Variants in LPIN2 observed in about 807,000 individuals in gnomAD.
LPIN2 encodes the protein phosphatidate phosphatase LPIN2.
Under a neutral mutation model 111.4 loss-of-function variants are expected in LPIN2, and 55 were observed. The ratio of observed to expected loss-of-function variants is 0.49; its 90% CI spans 0.40 to 0.62. LPIN2 has a LOEUF of 0.62. Ranked by LOEUF, LPIN2 falls within the 20% of genes least tolerant of loss-of-function variation. The pLI is 0.00. For missense variants in LPIN2, 992 were observed against 1,112.1 expected, an observed-to-expected ratio of 0.89 and a Z score of 1.54; for synonymous variants, 425 against 414.0, an observed-to-expected ratio of 1.03 and a Z score of -0.32.
intron 3 of LPIN2, 26 bp from the exon 4 acceptor site, chr18:2,951,382 T>C: frequency 6.3e-7 from 1 of 1,598,132 alleles, no homozygotes; most frequent in Non-Finnish European, 8.6e-7. Context: ...GAAAGAAAAG[T>C]TATCCATGAC....
At chr18:2,958,737 CACA>C (rs557426040) in intron 2 of LPIN2, among the ~76,000 whole-genome samples, 361 of 152,198 alleles carry the variant, frequency 2.4e-3, no homozygotes, top group Admixed American at 6.6e-3. Context: ...AAGATAGTAA[CACA>C]ACGATTGTGT....
At chr18:2,956,342 G>GTGTGTGTGTGTGTGTGTGTGTT (rs2077616767) in intron 2 of LPIN2, among the ~76,000 whole-genome samples, 1 of 150,704 alleles carries the variant, frequency 6.6e-6, no homozygotes. Context: ...GTGTGTGTGT[G>GTGTGTGTGTGTGTGTGTGTGTT]TGTACACGTG....
intron 8 of LPIN2, among the ~76,000 whole-genome samples, chr18:2,933,516 C>T (rs1568529639): frequency 6.6e-6 from 1 of 152,150 alleles, no homozygotes; most frequent in Non-Finnish European, 1.5e-5. Context: ...TAGGACAGAG[C>T]TAGAAAGGAG....
At chr18:2,968,979 T>C (rs749421479) in intron 1 of LPIN2, among the ~76,000 whole-genome samples, 1 of 152,204 alleles carries the variant, frequency 6.6e-6, no homozygotes, top group African/African-American at 2.4e-5. Flanking sequence ...GAGAATCAGT[T>C]AGTCTTGATG....
In LPIN2 at chr18:2,924,400, G is replaced by C. The variant is rs1434267535; in HGVS notation, c.2085C>G (p.Thr695=). The change falls in exon 15 of 20, where the codon ACC becomes ACG. Residue 695 remains threonine (T), a splice_region_variant and synonymous_variant. Coordinates refer to ENST00000677752, the MANE Select transcript of LPIN2 (RefSeq NM_001375808.2). ...IIISDIDGTI[T]KSDALGQILP... ...CCCACCTGAAGGATTGAGCTTACTT[G>C]GTTATTGTCCCATCAATATCAGAAA... is the stretch of plus-strand genomic sequence containing the variant. 1 of 1,614,092 alleles carries C rather than the reference G, an allele frequency of 6.2e-7. No individual in the cohort carries two copies. The highest frequency in any genetic ancestry group is 1.1e-5 in the South Asian group (1 of 91,072).
chr18:2,969,126 T>C (rs867516291), intron 1 of LPIN2, among the ~76,000 whole-genome samples: 1 of 152,244 alleles, frequency 6.6e-6, no homozygotes, highest in Non-Finnish European at 1.5e-5. Context: ...AAAATCATTC[T>C]GGGTGGTTTT....
At chr18:3,003,020 TGCGG>T (rs1168471386) in intron 1 of LPIN2, among the ~76,000 whole-genome samples, 7 of 152,246 alleles carry the variant, frequency 4.6e-5, no homozygotes, top group African/African-American at 9.6e-5. Flanking sequence ...TAGAGGTGGA[TGCGG>T]GCTCCAGTTT....
intron 1 of LPIN2, among the ~76,000 whole-genome samples, chr18:2,965,202 C>G (rs932256534): frequency 6.6e-6 from 1 of 152,094 alleles, no homozygotes; most frequent in South Asian, 2.1e-4. Flanking sequence ...GACCAAATGG[C>G]CCTTCGCATA....
chr18:2,995,245 T>C (rs2078323894), intron 1 of LPIN2, among the ~76,000 whole-genome samples: 1 of 152,244 alleles, frequency 6.6e-6, no homozygotes, highest in Admixed American at 6.5e-5. Context: ...GATAGGATTC[T>C]AGCCATCAAG....
In LPIN2 at chr18:3,013,132, G is replaced by C. The variant is rs1229976722; in HGVS notation, c.-55C>G. ...GCCAGCGGGCGGCTGAGGGCAGGCG[G>C]CGGCTGGACTGCGACGGCTAGGACC... On this transcript the variant is annotated 5_prime_UTR_variant, in exon 1 of 20. Coordinates refer to ENST00000677752, the MANE Select transcript of LPIN2 (RefSeq NM_001375808.2). The C allele has an allele frequency of 6.6e-6, 1 of 150,622 alleles. No homozygotes were observed. Among genetic ancestry groups the C allele is most frequent in the Non-Finnish European group, 1.5e-5 (1 of 67,426 alleles). The allele number at this position is 150,622 out of a possible 1,614,324, so 9.3% of individuals were successfully genotyped here.
intron 1 of LPIN2, among the ~76,000 whole-genome samples, chr18:2,979,997 T>C (rs1477058710): frequency 6.6e-6 from 1 of 152,146 alleles, no homozygotes; most frequent in Non-Finnish European, 1.5e-5. Flanking sequence ...CCATCACCCA[T>C]TCACAGCTCA....
At chr18:2,937,602 T>C (rs1170607872) in intron 7 of LPIN2, 90 bp downstream of exon 7, 6 of 595,340 alleles carry the variant, frequency 1.0e-5, no homozygotes, top group South Asian at 3.1e-5. Flanking sequence ...TGAATACAAA[T>C]ACAGAGGCAG....
At chr18:2,991,248 A>G (rs2078260981) in intron 1 of LPIN2, among the ~76,000 whole-genome samples, 1 of 152,256 alleles carries the variant, frequency 6.6e-6, no homozygotes, top group Admixed American at 6.5e-5. Context: ...AGTGGGACAA[A>G]AAAAGTGCAG....
chr18:2,973,169 G>C (rs1044657466), intron 1 of LPIN2, among the ~76,000 whole-genome samples: 2 of 151,820 alleles, frequency 1.3e-5, no homozygotes, highest in South Asian at 2.1e-4. Context: ...GCTGTACCTT[G>C]AACTATTCAA....
At chr18:2,962,939 C>T (rs1358253841) in intron 1 of LPIN2, among the ~76,000 whole-genome samples, 1 of 152,194 alleles carries the variant, frequency 6.6e-6, no homozygotes, top group African/African-American at 2.4e-5. Context: ...CTTCCATCAA[C>T]TACAGCATAA....
chr18:2,925,932 G>A lies in LPIN2; in HGVS notation c.1794-564C>T, dbSNP rs2077124242. On this transcript the variant is annotated intron_variant, in intron 13 of 19. Transcript: ENST00000677752. The surrounding 1 kb of genome is among the most constrained non-coding windows in gnomAD (Gnocchi z 4.1). ...GAGGCAGGAGGACTGCTTGAGCCCA[G>A]GAGTTTGAGACCAGCCTGGGCAACA... is the stretch of plus-strand genomic sequence containing the variant. Among the ~76,000 whole-genome samples, 1 of 152,154 alleles carries A rather than the reference G, an allele frequency of 6.6e-6. No homozygotes were observed. The highest frequency in any genetic ancestry group is 6.5e-5 in the Admixed American group (1 of 15,282).
chr18:2,920,993 C>T lies in LPIN2; in HGVS notation c.2443-112G>A, dbSNP rs1280766564. 19 of 773,692 alleles carry T rather than the reference C, an allele frequency of 2.5e-5. 1 individual carries two copies. Among genetic ancestry groups the T allele is most frequent in the South Asian group, 1.8e-4 (13 of 71,486 alleles). The allele number at this position is 773,692 out of a possible 1,614,324, so 47.9% of individuals were successfully genotyped here. ...ACAGACAGACTCGACAGAAAACATG[C>T]GGAGGCGGCACAGTGCAGTTGCCAC... On this transcript the variant is annotated intron_variant, in intron 18 of 19. Transcript: ENST00000677752.
intron 1 of LPIN2, among the ~76,000 whole-genome samples, chr18:2,963,697 A>G (rs1539791): frequency 0.95 from 143,558 of 151,870 alleles, 68,232 homozygotes; most frequent in Non-Finnish European, 0.99. Context: ...TGCCCACACA[A>G]AAAGCAAAAT....
rs371834796 is a variant in LPIN2 at position 2,965,336 on chromosome 18, A to G, written c.-9-4487T>C. ...ACACTGGAATGAATGGTAGCTTTCA[A>G]GATTTCGTTATTCACCAAAAGTTTG... On this transcript the variant is annotated intron_variant, in intron 1 of 19. Coordinates refer to ENST00000677752, the MANE Select transcript of LPIN2 (RefSeq NM_001375808.2). Among the ~76,000 whole-genome samples, 8 of 152,258 alleles carry G rather than the reference A, an allele frequency of 5.3e-5. No homozygotes were observed. In the East Asian group the frequency reaches 9.6e-4, roughly 18 times the overall value.
Sources: gnomAD v4.1 joint callset for allele counts (sites outside exome capture counted in the v4.1 genomes callset) on GRCh38, gnomAD v4.1.1 for gene constraint, Gnocchi (gnomAD v3.1) non-coding constraint, MANE v1.5 for transcripts, NCBI Gene and HGNC (gene_info 2026-07-23, HGNC 2026-07-21) for gene names.